Variants in CC2D2A observed in about 807,000 individuals in gnomAD.
CC2D2A encodes coiled-coil and C2 domain containing 2A.
Under a neutral mutation model 212.9 loss-of-function variants are expected in CC2D2A, and 155 were observed. The observed-to-expected ratio is 0.73, with a 90% CI of 0.64 to 0.83. The LOEUF (loss-of-function observed/expected upper bound fraction) is 0.83. Among genes scored for constraint, CC2D2A ranks in the 40% least tolerant of loss-of-function variants. The pLI is 0.00. For missense variants in CC2D2A, 1,856 were observed against 1,956.2 expected (o/e 0.95, Z 0.97); for synonymous variants, 667 against 686.5 (o/e 0.97, Z 0.44).
chr4:15,545,169 A>G (rs1173143041), intron 17 of CC2D2A, among the ~76,000 whole-genome samples: 2 of 152,210 alleles, frequency 1.3e-5, no homozygotes, highest in Non-Finnish European at 2.9e-5. Context: ...CATGATTGCT[A>G]GATTTAAACT....
chr4:15,504,125 C>A (rs772954119), intron 6 of CC2D2A, among the ~76,000 whole-genome samples: 1 of 152,058 alleles, frequency 6.6e-6, no homozygotes, highest in South Asian at 2.1e-4. Context: ...TTAAATGATG[C>A]CTTTTCTTTT....
At chr4:15,477,529 G>A (rs1038980498) in intron 2 of CC2D2A, among the ~76,000 whole-genome samples, 10 of 152,128 alleles carry the variant, frequency 6.6e-5, no homozygotes, top group Non-Finnish European at 1.0e-4. Context: ...AAAACATTAC[G>A]TAGGTTTCTC....
At chr4:15,559,694 A>G (rs1456301228) in intron 22 of CC2D2A, among the ~76,000 whole-genome samples, 1 of 132,396 alleles carries the variant, frequency 7.6e-6, no homozygotes, top group Admixed American at 7.2e-5. Context: ...TCCTTCCTTC[A>G]ATAAACTTAA....
intron 29 of CC2D2A, among the ~76,000 whole-genome samples, chr4:15,575,896 G>T: frequency 6.6e-6 from 1 of 152,208 alleles, no homozygotes; most frequent in Non-Finnish European, 1.5e-5. Flanking sequence ...CACCTTGGGG[G>T]TGTGTTTCTA....
intron 4 of CC2D2A, among the ~76,000 whole-genome samples, chr4:15,487,377 C>A (rs1361452953): frequency 6.6e-6 from 1 of 152,152 alleles, no homozygotes; most frequent in Middle Eastern, 3.4e-3. Flanking sequence ...GAATTGACCC[C>A]TTTATCATTG....
intron 24 of CC2D2A, among the ~76,000 whole-genome samples, chr4:15,565,064 T>G (rs1157304382): frequency 6.6e-6 from 1 of 152,248 alleles, no homozygotes; most frequent in Non-Finnish European, 1.5e-5. Context: ...CAACTATTCC[T>G]AATGCTTTGT....
intron 33 of CC2D2A, among the ~76,000 whole-genome samples, chr4:15,594,392 A>T (rs1344987922): frequency 1.3e-5 from 2 of 152,112 alleles, no homozygotes; most frequent in Non-Finnish European, 2.9e-5. Flanking sequence ...CAGGGATCTG[A>T]GTCAGCTGGG....
intron 28 of CC2D2A, among the ~76,000 whole-genome samples, chr4:15,572,770 G>A (rs969399601): frequency 2.0e-5 from 3 of 152,086 alleles, no homozygotes; most frequent in African/African-American, 7.2e-5. Context: ...CCATCTGCAA[G>A]CTGAGGAGCA....
At position 15,567,777 on chromosome 4, in the gene CC2D2A, T is replaced by G. The variant is rs771566352; in HGVS notation, c.3389T>G (p.Leu1130Arg). 1.3e-6 allele frequency: 2 copies of G among 1,588,018 alleles called. No homozygotes were observed. Among genetic ancestry groups the G allele is most frequent in the Non-Finnish European group, 1.7e-6 (2 of 1,170,538 alleles). ...CCTAGCTGGAATGAAGAACTAGAAC[T>G]TCCATTTAGGTAAGCATATTTTCCT... ...PNPSWNEELE[L>R]PFRAPNGDYS... The change falls in exon 26 of 37, where the codon CTT (leucine) becomes CGT (arginine). Residue 1130 changes from leucine (L) to arginine (R), a missense_variant. Transcript: ENST00000424120.
At chr4:15,515,756 T>A in intron 9 of CC2D2A, 112 bp from the exon 10 acceptor site, 1 of 1,087,758 alleles carries the variant, frequency 9.2e-7, no homozygotes, top group Non-Finnish European at 1.3e-6. Context: ...TTTGGAAAAT[T>A]TGCATTTTCT....
At chr4:15,500,889 A>G (rs2108996525) in intron 4 of CC2D2A, among the ~76,000 whole-genome samples, 1 of 152,136 alleles carries the variant, frequency 6.6e-6, no homozygotes, top group South Asian at 2.1e-4. Context: ...AGCGCTCACC[A>G]TGGTTGAAAG....
In CC2D2A at chr4:15,574,278, T is replaced by C; in HGVS notation, c.3723T>C (p.Phe1241=). 6.4e-7 allele frequency: 1 copy of C among 1,551,528 alleles called. No homozygotes were observed. The highest frequency in any genetic ancestry group is 1.2e-5 in the South Asian group (1 of 84,046). The change falls in exon 29 of 37, where the codon TTT becomes TTC. Residue 1241 remains phenylalanine (F), a synonymous_variant. Coordinates refer to ENST00000424120, the MANE Select transcript of CC2D2A (RefSeq NM_001378615.1). The stretch of plus-strand genomic sequence containing the variant: ...GTGAAGGCTCCTACATTACCCTCTT[T>C]ATTACCATTGAGCCCCAGCTGGTTC... The part of the protein sequence containing the change: ...SLSEGSYITL[F]ITIEPQLVPG...
At chr4:15,594,703 G>A (rs1005054216) in intron 33 of CC2D2A, among the ~76,000 whole-genome samples, 4 of 152,208 alleles carry the variant, frequency 2.6e-5, no homozygotes, top group Non-Finnish European at 5.9e-5. Flanking sequence ...AGTAACACGA[G>A]AAAGGGTATG....
chr4:15,538,941 G>A (rs987481903), intron 16 of CC2D2A, among the ~76,000 whole-genome samples: 1 of 152,098 alleles, frequency 6.6e-6, no homozygotes, highest in Non-Finnish European at 1.5e-5. Context: ...GCTCATGCCT[G>A]TAACCTCAGC....
chr4:15,535,731 G>A (rs1205064356), intron 14 of CC2D2A, among the ~76,000 whole-genome samples: 1 of 152,156 alleles, frequency 6.6e-6, no homozygotes, highest in East Asian at 1.9e-4. Context: ...TTGGGGGACT[G>A]TAAACTGCTT....
intron 12 of CC2D2A, among the ~76,000 whole-genome samples, 197 bp from the exon 13 acceptor site, chr4:15,528,423 G>C (rs888660713): frequency 2.0e-5 from 3 of 152,214 alleles, no homozygotes; most frequent in African/African-American, 7.2e-5. Flanking sequence ...TACTAATCCA[G>C]TTTCTTCAAG....
At chr4:15,475,501 G>C (rs1424766615) in intron 1 of CC2D2A, among the ~76,000 whole-genome samples, 1 of 152,162 alleles carries the variant, frequency 6.6e-6, no homozygotes, top group Admixed American at 6.5e-5. Flanking sequence ...GGAAGCAGAG[G>C]AGGTGGCGGT....
chr4:15,598,885 C>A (rs562441094), intron 35 of CC2D2A, among the ~76,000 whole-genome samples: 1 of 152,108 alleles, frequency 6.6e-6, no homozygotes, highest in Admixed American at 6.6e-5. Flanking sequence ...CATGGCCAAG[C>A]GCAGTGACTC....
At chr4:15,507,653 A>C (rs1716339628) in intron 6 of CC2D2A, among the ~76,000 whole-genome samples, 1 of 152,232 alleles carries the variant, frequency 6.6e-6, no homozygotes, top group African/African-American at 2.4e-5. Flanking sequence ...GTGTGCAAGG[A>C]GTAAAGATAA....
Sources: allele counts gnomAD v4.1 joint callset (sites outside exome capture counted in the v4.1 genomes callset), GRCh38; gene constraint gnomAD v4.1.1; transcripts MANE v1.5; gene names NCBI Gene and HGNC (gene_info 2026-07-23, HGNC 2026-07-21).